Variants in ANTXRL observed in about 807,000 individuals in gnomAD.
ANTXRL encodes the protein ANTXR like.
ANTXRL carries 63 observed loss-of-function variants against 75.4 expected under a neutral mutation model. That is an observed-to-expected ratio of 0.84 (90% CI 0.68 to 1.03). ANTXRL has a LOEUF of 1.03. Ranked by LOEUF, ANTXRL falls within the 50% of genes least tolerant of loss-of-function variation. The pLI is 0.00. For missense variants in ANTXRL, 797 were observed against 789.4 expected (o/e 1.01, Z -0.12); for synonymous variants, 335 against 291.3 (o/e 1.15, Z -1.53).
chr10:46,302,637 G>T, intron 9 of ANTXRL, 85 bp from the exon 10 acceptor site: 1 of 982,074 alleles, frequency 1.0e-6, no homozygotes, highest in Non-Finnish European at 1.5e-6. Flanking sequence ...TCGGTTTTGG[G>T]GGTGGATCTC....
chr10:46,289,767 C>T (rs1554956049), intron 1 of ANTXRL, among the ~76,000 whole-genome samples: 2 of 152,058 alleles, frequency 1.3e-5, no homozygotes, highest in Non-Finnish European at 2.9e-5. Context: ...ACTTCTATTT[C>T]CATTAAACAA....
At chr10:46,294,058 G>A (rs563084574) in intron 3 of ANTXRL, 158 bp downstream of exon 3, 54 of 634,944 alleles carry the variant, frequency 8.5e-5, no homozygotes, top group African/African-American at 7.4e-4. Flanking sequence ...CCTTAGCCCC[G>A]GCTCCCCTGC....
intron 9 of ANTXRL, among the ~76,000 whole-genome samples, chr10:46,300,055 C>A (rs782481399): frequency 1.3e-5 from 2 of 152,172 alleles, no homozygotes; most frequent in African/African-American, 4.8e-5. Context: ...CAGCCTGTGG[C>A]GTCTGAGCAG....
chr10:46,302,849 C>T, intron 10 of ANTXRL, 29 bp downstream of exon 10: 1 of 1,458,160 alleles, frequency 6.9e-7, no homozygotes. Flanking sequence ...GCCTCTGAGT[C>T]ACGTATTTCC....
Position 46,287,029 on chromosome 10 carries a change from A to G in ANTXRL, c.-234A>G. The stretch of plus-strand genomic sequence containing the variant: ...GAGAATTCTGTCCCCAGGGTGGGGG[A>G]AGGGCCAGGCAGGTAGCTGGAAGCA... On this transcript the variant is annotated 5_prime_UTR_variant, in exon 1 of 17. Coordinates refer to ENST00000620264, the MANE Select transcript of ANTXRL (RefSeq NM_001278688.3). 1 of 578,044 alleles carries G rather than the reference A, an allele frequency of 1.7e-6. No homozygotes were observed. The allele number at this position is 578,044 out of a possible 1,614,324, so 35.8% of individuals were successfully genotyped here. A position where few individuals can be genotyped will look rare whatever the true frequency, so the allele number is the denominator to read the frequency against.
chr10:46,302,880 C>G, intron 10 of ANTXRL, 60 bp downstream of exon 10: 1 of 1,308,774 alleles, frequency 7.6e-7, no homozygotes, highest in Admixed American at 2.0e-5. Context: ...TGCCTTTCCC[C>G]ACAGCCAGCC....
At chr10:46,322,212 C>T (rs892704514) in intron 16 of ANTXRL, among the ~76,000 whole-genome samples, 1 of 152,106 alleles carries the variant, frequency 6.6e-6, no homozygotes, top group Non-Finnish European at 1.5e-5. Context: ...GGAAGTCCAT[C>T]TGTAAGTGTC....
chr10:46,297,413 A>T lies in ANTXRL; in HGVS notation c.593A>T (p.Lys198Met). ...ATGCCTTCTTTCCCTTAGGCTCAAAAGGCTCGGAAACTGGGGGCCAACGTT... is the reference window on the plus strand; with the variant it reads ...ATGCCTTCTTTCCCTTAGGCTCAAATGGCTCGGAAACTGGGGGCCAACGTT... Reference protein sequence around the residue: ...AFQDTLREAQKARKLGANVYT... With the variant: ...AFQDTLREAQMARKLGANVYT... Residue 198 changes from lysine (K) to methionine (M), a missense_variant, in exon 7 of 17, where the codon AAG becomes ATG. By Grantham distance (95) the Lys-to-Met change is moderately conservative (BLOSUM62 -1). Transcript: ENST00000620264. 6.5e-7 allele frequency: 1 copy of T among 1,535,934 alleles called. No homozygotes were observed. Among genetic ancestry groups the T allele is most frequent in the African/African-American group, 1.4e-5 (1 of 73,106 alleles).
In ANTXRL at chr10:46,287,375, G is replaced by A; in HGVS notation, c.113G>A (p.Arg38Lys). 6.5e-7 allele frequency: 1 copy of A among 1,536,068 alleles called. No individual in the cohort carries two copies. Among genetic ancestry groups the A allele is most frequent in the South Asian group, 1.2e-5 (1 of 84,048 alleles). Residue 38 changes from arginine to lysine, a missense_variant, in exon 1 of 17, where the codon AGA becomes AAA. Physicochemically the swap from Arg to Lys is conservative, Grantham distance 26. Around this residue, in one of 3 missense-constraint regions of ANTXRL, gnomAD observed 262 missense variants for 271.9 expected, o/e 0.96. Transcript: ENST00000620264. ...CTTCGGTACCATGGACCTGACTGGAGAATATTTCACCGCCTGGCCCTGGGC... is the reference window on the plus strand; with the variant it reads ...CTTCGGTACCATGGACCTGACTGGAAAATATTTCACCGCCTGGCCCTGGGC... Reference protein sequence around the residue: ...GSLRYHGPDWRIFHRLALGSR... With the variant: ...GSLRYHGPDWKIFHRLALGSR...
chr10:46,297,478 A>C lies in ANTXRL; in HGVS notation c.654+4A>C. On this transcript the variant is annotated splice_donor_region_variant and intron_variant, in intron 7 of 16. Transcript: ENST00000620264. ...GGCTGATTATAATCTGGATCAGGTA[A>C]TTCCAAGCAGGTAACCAGGCGCCAC... 1 of 1,535,502 alleles carries C rather than the reference A, an allele frequency of 6.5e-7. No individual in the cohort carries two copies. The highest frequency in any genetic ancestry group is 8.7e-7 in the Non-Finnish European group (1 of 1,146,588).
chr10:46,311,580 C>T lies in ANTXRL; in HGVS notation c.1244C>T (p.Pro415Leu), dbSNP rs577784687. The T allele has an allele frequency of 7.9e-5, 119 of 1,501,888 alleles. No homozygotes were observed. The East Asian group carries it at 1.4e-3, about 18-fold the overall frequency. 93.0% of individuals were successfully genotyped at this position (1,501,888 alleles called of 1,614,324 possible). ...PPPPPPPLPP[P>L]PPAPVNTCPT... is the part of the protein sequence containing the mutation. ...CCTCCACCACCTCCACTCCCGCCTCCGCCCCCAGCTCCTGTAAACACCTGC... is the reference window on the plus strand; with the variant it reads ...CCTCCACCACCTCCACTCCCGCCTCTGCCCCCAGCTCCTGTAAACACCTGC... Residue 415 changes from proline to leucine, a missense_variant, in exon 15 of 17, where the codon CCG becomes CTG. Transcript: ENST00000620264.
Position 46,304,051 on chromosome 10 carries a change from C to T in ANTXRL, c.895+1231C>T, listed in dbSNP as rs1477395495. On this transcript the variant is annotated intron_variant, in intron 10 of 16. Transcript: ENST00000620264. Reference sequence around the variant, plus strand: ...GCTGAGCCTGTCATCCCCACATTCCCACTCATCAGCATTGTGTGGATGGTC... The same window carrying T: ...GCTGAGCCTGTCATCCCCACATTCCTACTCATCAGCATTGTGTGGATGGTC... Among the ~76,000 whole-genome samples, 5 of 150,662 alleles carry T rather than the reference C, an allele frequency of 3.3e-5. No individual in the cohort carries two copies. The East Asian group carries it at 9.6e-4, about 29-fold the overall frequency.
Position 46,297,417 on chromosome 10 carries a change from T to C in ANTXRL, c.597T>C (p.Ala199=). ...CTTCTTTCCCTTAGGCTCAAAAGGC[T>C]CGGAAACTGGGGGCCAACGTTTACA... ...FQDTLREAQK[A]RKLGANVYTL... is the part of the protein sequence containing the mutation. The change falls in exon 7 of 17, where the codon GCT becomes GCC. Residue 199 remains alanine (A), a synonymous_variant. Transcript: ENST00000620264. 6.5e-7 allele frequency: 1 copy of C among 1,535,914 alleles called. No homozygotes were observed. Among genetic ancestry groups the C allele is most frequent in the Non-Finnish European group, 8.7e-7 (1 of 1,146,754 alleles).
intron 16 of ANTXRL, among the ~76,000 whole-genome samples, chr10:46,319,857 T>A (rs929569070): frequency 6.6e-6 from 1 of 152,168 alleles, no homozygotes; most frequent in Admixed American, 6.5e-5. Flanking sequence ...AAAACAGTAA[T>A]ACCAGCCAGC....
intron 2 of ANTXRL, among the ~76,000 whole-genome samples, chr10:46,293,323 T>C (rs1189977413): frequency 1.5e-5 from 2 of 129,270 alleles, no homozygotes; most frequent in African/African-American, 5.7e-5. Context: ...TGTGTGCCTG[T>C]GTGTGAGTGT....
intron 9 of ANTXRL, among the ~76,000 whole-genome samples, chr10:46,300,712 T>C (rs1554960301): frequency 6.6e-6 from 1 of 152,134 alleles, no homozygotes; most frequent in Non-Finnish European, 1.5e-5. Context: ...CTGGAAGCCT[T>C]CCCTGATGAC....
Position 46,330,011 on chromosome 10 carries a change from C to T in ANTXRL, c.1823C>T (p.Pro608Leu), listed in dbSNP as rs1266993657. The T allele has an allele frequency of 1.0e-4, 158 of 1,534,250 alleles. No individual in the cohort carries two copies. Among genetic ancestry groups the T allele is most frequent in the Non-Finnish European group, 1.3e-4 (146 of 1,145,710 alleles). The change falls in exon 17 of 17, where the codon CCG becomes CTG. Residue 608 changes from proline to leucine, a missense_variant. By Grantham distance (98) the Pro-to-Leu change is moderately conservative. This residue lies in a region of ANTXRL where 479 missense variants were observed against 422.0 expected (regional missense o/e 1.14). Coordinates refer to ENST00000620264, the MANE Select transcript of ANTXRL (RefSeq NM_001278688.3). ...RCLRPPSRML[P>L]LLSPLLRHTA... ...TTGAGGCCTCCCTCCAGGATGCTGCCGCTGCTGTCCCCACTGCTCAGGCAC... is the reference window on the plus strand; with the variant it reads ...TTGAGGCCTCCCTCCAGGATGCTGCTGCTGCTGTCCCCACTGCTCAGGCAC...
At chr10:46,308,372 G>A in intron 12 of ANTXRL, 1 of 416,500 alleles carries the variant, frequency 2.4e-6, no homozygotes, top group Non-Finnish European at 4.8e-6. Flanking sequence ...CCTTCAGCCA[G>A]CCGGGTTCCC....
At chr10:46,295,052 G>T (rs1380144506) in intron 3 of ANTXRL, among the ~76,000 whole-genome samples, 1 of 152,192 alleles carries the variant, frequency 6.6e-6, no homozygotes, top group Non-Finnish European at 1.5e-5. Flanking sequence ...CAACTGACAG[G>T]CCTCATGCCC....
Sources: gnomAD v4.1 joint callset for allele counts (sites outside exome capture counted in the v4.1 genomes callset) on GRCh38, gnomAD v4.1.1 for gene constraint, gnomAD v4.1.1 regional missense constraint, MANE v1.5 for transcripts, NCBI Gene and HGNC (gene_info 2026-07-23, HGNC 2026-07-21) for gene names.